Variants in HAUS8 observed in about 807,000 individuals in gnomAD.
HAUS8 encodes the protein HAUS augmin like complex subunit 8.
HAUS8 carries 38 observed loss-of-function variants against 42.9 expected under a neutral mutation model. The observed-to-expected ratio is 0.89, with a 90% CI of 0.68 to 1.16. The LOEUF (loss-of-function observed/expected upper bound fraction) is 1.16, where lower values mean the gene tolerates loss of function less well. Ranked by LOEUF, HAUS8 falls within the 50% of genes most tolerant of loss-of-function variation. The pLI is 0.00. For synonymous variants in HAUS8, 199 were observed against 205.8 expected (o/e 0.97, Z 0.28); for missense variants, 494 against 511.6 (o/e 0.97, Z 0.33).
At chr19:17,062,082 C>A (rs1454243634) in intron 4 of HAUS8, among the ~76,000 whole-genome samples, 1 of 152,198 alleles carries the variant, frequency 6.6e-6, no homozygotes, top group Non-Finnish European at 1.5e-5. Flanking sequence ...TATGTCTGGT[C>A]TGGGGTTGTT....
intron 9 of HAUS8, among the ~76,000 whole-genome samples, chr19:17,054,818 G>A (rs1398618658): frequency 6.6e-6 from 1 of 151,738 alleles, no homozygotes; most frequent in African/African-American, 2.4e-5. Flanking sequence ...AAATTAGCCA[G>A]GTGCAGTGGT....
chr19:17,050,347 C>G (rs1407611265), intron 10 of HAUS8, among the ~76,000 whole-genome samples, 171 bp from the exon 11 acceptor site: 1 of 152,180 alleles, frequency 6.6e-6, no homozygotes, highest in Non-Finnish European at 1.5e-5. Flanking sequence ...CAGGGAAACC[C>G]CCCAAGAACA....
chr19:17,067,031 C>T (rs557138737), intron 3 of HAUS8, among the ~76,000 whole-genome samples: 12 of 152,090 alleles, frequency 7.9e-5, no homozygotes, highest in African/African-American at 2.9e-4. Context: ...ATGCTGAAAC[C>T]CTGTCTCTAC....
At chr19:17,073,455 A>T in intron 1 of HAUS8, 120 bp from the exon 2 acceptor site, 1 of 912,292 alleles carries the variant, frequency 1.1e-6, no homozygotes, top group Non-Finnish European at 1.8e-6. Context: ...CCAGAGGACA[A>T]TTTCAGTGAG....
intron 4 of HAUS8, among the ~76,000 whole-genome samples, chr19:17,060,771 C>T (rs1271127418): frequency 6.6e-6 from 1 of 152,172 alleles, no homozygotes; most frequent in Non-Finnish European, 1.5e-5. Flanking sequence ...GAGTTCCCTT[C>T]ATCTTTTAAC....
At position 17,062,683 on chromosome 19, in the gene HAUS8, A is replaced by G; in HGVS notation, c.229+15T>C. The G allele has an allele frequency of 2.5e-6, 4 of 1,610,188 alleles. No individual in the cohort carries two copies. Among genetic ancestry groups the G allele is most frequent in the African/African-American group, 1.3e-5 (1 of 74,956 alleles). ...CCGCGCTCATCACTGCCCGAGGACCATGGCTGTTTCGCACCTTTGCTTTTC... is the reference window on the plus strand; with the variant it reads ...CCGCGCTCATCACTGCCCGAGGACCGTGGCTGTTTCGCACCTTTGCTTTTC... On this transcript the variant is annotated intron_variant, in intron 4 of 10. Coordinates refer to ENST00000253669, the MANE Select transcript of HAUS8 (RefSeq NM_033417.2).
intron 2 of HAUS8, among the ~76,000 whole-genome samples, chr19:17,071,070 T>TTA (rs759800266): frequency 4.8e-5 from 7 of 146,946 alleles, no homozygotes; most frequent in Non-Finnish European, 7.5e-5. Flanking sequence ...CTTTGTCTCA[T>TTA]AAAAAAAAAA....
At chr19:17,068,662 A>C (rs2057402363) in intron 3 of HAUS8, among the ~76,000 whole-genome samples, 1 of 151,980 alleles carries the variant, frequency 6.6e-6, no homozygotes, top group Admixed American at 6.6e-5. Context: ...AGTTACTCAG[A>C]AGGCTCAGGT....
Position 17,049,889 on chromosome 19 carries a change from C to T in HAUS8, c.1217G>A (p.Gly406Glu), listed in dbSNP as rs1203855630. The T allele has an allele frequency of 6.7e-7, 1 of 1,495,420 alleles. No individual in the cohort carries two copies. The highest frequency in any genetic ancestry group is 1.4e-5 in the African/African-American group (1 of 70,956). 92.6% of individuals were successfully genotyped at this position (1,495,420 alleles called of 1,614,324 possible). Residue 406 changes from glycine to glutamate, a missense_variant, in exon 11 of 11, where the codon GGG becomes GAG. Transcript: ENST00000253669. ...AACCATGAGTCATGACAAGTCCCTC[C>T]CTGAACGAGAGAGAGAGGGCGGGAC... ...AEVPPSLSRS[G>E]RDLS is the part of the protein sequence containing the mutation.
intron 2 of HAUS8, among the ~76,000 whole-genome samples, chr19:17,070,948 T>C (rs1175625498): frequency 6.6e-6 from 1 of 152,038 alleles, no homozygotes; most frequent in Non-Finnish European, 1.5e-5. Flanking sequence ...CATGTGCCTG[T>C]AATCCCAGCT....
At chr19:17,072,971 CAG>C (rs2057437700) in intron 2 of HAUS8, among the ~76,000 whole-genome samples, 5 of 136,196 alleles carry the variant, frequency 3.7e-5, no homozygotes, top group Admixed American at 2.9e-4. Flanking sequence ...AAAAAAAAGG[CAG>C]AGTTTGATTT....
In HAUS8 at chr19:17,050,039, T is replaced by C. The variant is rs777808237; in HGVS notation, c.1067A>G (p.Glu356Gly). 16 of 1,608,942 alleles carry C rather than the reference T, an allele frequency of 9.9e-6. No homozygotes were observed. Among genetic ancestry groups the C allele is most frequent in the Non-Finnish European group, 1.1e-5 (13 of 1,178,104 alleles). The change falls in exon 11 of 11, where the codon GAA becomes GGA. Residue 356 changes from glutamate to glycine, a missense_variant. Physicochemically the swap from Glu to Gly is moderately conservative, Grantham distance 98 (BLOSUM62 -2). Coordinates refer to ENST00000253669, the MANE Select transcript of HAUS8 (RefSeq NM_033417.2). ...WYFNQDSACR[E>G]SGGAPKNTPL... ...CGTGTTCTTGGGTGCTCCCCCAGAT[T>C]CTCTGCAGGCACTGTCTTGATTGAA...
intron 3 of HAUS8, among the ~76,000 whole-genome samples, chr19:17,068,492 C>T (rs1328555630): frequency 6.6e-6 from 1 of 152,106 alleles, no homozygotes; most frequent in African/African-American, 2.4e-5. Flanking sequence ...ACAGGCTGGG[C>T]GCCAGGGCTC....
chr19:17,073,208 T>C, intron 2 of HAUS8, 66 bp downstream of exon 2: 6 of 1,436,836 alleles, frequency 4.2e-6, no homozygotes, highest in Non-Finnish European at 5.9e-6. Context: ...TGTTTTTTTC[T>C]TCCTCCAAAA....
At chr19:17,057,204 G>C (rs1225051461) in intron 8 of HAUS8, among the ~76,000 whole-genome samples, 2 of 152,058 alleles carry the variant, frequency 1.3e-5, no homozygotes, top group African/African-American at 4.8e-5. Context: ...ACAAAATTTA[G>C]CTGGGCGTGG....
intron 9 of HAUS8, chr19:17,055,136 AAAAAAAAATATATATATATAT>A (rs2057313765): frequency 3.0e-5 from 1 of 32,820 alleles, no homozygotes; most frequent in Non-Finnish European, 5.2e-5. Context: ...AAAAAAAAAA[AAAAAAAAATATATATATATAT>A]ATATATATAT....
chr19:17,056,834 G>A (rs1252702879), intron 8 of HAUS8, among the ~76,000 whole-genome samples: 1 of 151,756 alleles, frequency 6.6e-6, no homozygotes, highest in African/African-American at 2.4e-5. Context: ...CAAGTAATCC[G>A]CCCACCTCAG....
intron 4 of HAUS8, among the ~76,000 whole-genome samples, chr19:17,062,134 T>C (rs1181281654): frequency 6.6e-6 from 1 of 152,196 alleles, no homozygotes; most frequent in East Asian, 1.9e-4. Context: ...CTTGTTGATG[T>C]TGTTGAGACG....
intron 9 of HAUS8, 98 bp downstream of exon 9, chr19:17,055,763 G>C: frequency 7.5e-7 from 1 of 1,328,472 alleles, no homozygotes; most frequent in East Asian, 2.5e-5. Context: ...AGTTGGGGAA[G>C]AGGGCACTTG....
Sources: allele counts gnomAD v4.1 joint callset (sites outside exome capture counted in the v4.1 genomes callset), GRCh38; gene constraint gnomAD v4.1.1; transcripts MANE v1.5; gene names NCBI Gene and HGNC (gene_info 2026-07-23, HGNC 2026-07-21).